ADAMTS6: variants seen among roughly 807,000 people sequenced by gnomAD.
ADAMTS6 encodes A disintegrin and metalloproteinase with thrombospondin motifs 6.
A neutral mutation model predicts 144.3 loss-of-function variants in ADAMTS6; 23 were observed. The observed-to-expected ratio is 0.16, with a 90% confidence interval of 0.11 to 0.23. The LOEUF (loss-of-function observed/expected upper bound fraction) is 0.23. Among genes scored for constraint, ADAMTS6 ranks in the 10% least tolerant of loss-of-function variants. ADAMTS6 has a pLI of 1.00. For missense variants in ADAMTS6, 999 were observed against 1,379.6 expected (o/e 0.72, Z 4.37); for synonymous variants, 444 against 457.5 (o/e 0.97, Z 0.38).
intron 22 of ADAMTS6, among the ~76,000 whole-genome samples, chr5:65,186,057 A>G (rs1254584776): frequency 1.3e-5 from 2 of 152,152 alleles, no homozygotes; most frequent in South Asian, 2.1e-4. Flanking sequence ...ACCTATCACT[A>G]TCAGTCTTTC....
At chr5:65,464,722 A>G (rs1198273195) in intron 3 of ADAMTS6, among the ~76,000 whole-genome samples, 5 of 152,100 alleles carry the variant, frequency 3.3e-5, no homozygotes, top group African/African-American at 1.2e-4. Context: ...CTTTTACACC[A>G]TGCCCACAGT....
At chr5:65,186,095 T>C (rs929217094) in intron 22 of ADAMTS6, among the ~76,000 whole-genome samples, 2 of 152,208 alleles carry the variant, frequency 1.3e-5, no homozygotes, top group Non-Finnish European at 2.9e-5. Context: ...AACCCTTTTC[T>C]CTCACACTGC....
intron 18 of ADAMTS6, 42 bp downstream of exon 18, chr5:65,224,278 T>C: frequency 6.5e-7 from 1 of 1,540,648 alleles, no homozygotes; most frequent in South Asian, 1.1e-5. Context: ...TTTCCTCATT[T>C]ACTTTTAAAA....
At chr5:65,303,578 T>A (rs572010872) in intron 9 of ADAMTS6, among the ~76,000 whole-genome samples, 14 of 152,086 alleles carry the variant, frequency 9.2e-5, no homozygotes, top group African/African-American at 3.1e-4. Context: ...AACAAATTAA[T>A]AAACTTTCAT....
intron 16 of ADAMTS6, among the ~76,000 whole-genome samples, chr5:65,225,409 G>T (rs561105292): frequency 6.6e-6 from 1 of 152,268 alleles, no homozygotes; most frequent in East Asian, 1.9e-4. Flanking sequence ...GTCTTTCTCA[G>T]TTTGAAGCAC....
chr5:65,460,024 G>A (rs1171691305), intron 4 of ADAMTS6, 146 bp downstream of exon 4: 5 of 687,542 alleles, frequency 7.3e-6, no homozygotes, highest in East Asian at 3.3e-5. Flanking sequence ...CTACTGGTAG[G>A]TGACATCTAT....
At chr5:65,314,871 G>A (rs1722872844) in intron 9 of ADAMTS6, among the ~76,000 whole-genome samples, 1 of 151,940 alleles carries the variant, frequency 6.6e-6, no homozygotes, top group African/African-American at 2.4e-5. Flanking sequence ...AAATGACATC[G>A]CTCAGGAACT....
intron 7 of ADAMTS6, among the ~76,000 whole-genome samples, chr5:65,344,355 T>C (rs1361091792): frequency 6.6e-6 from 1 of 151,984 alleles, no homozygotes; most frequent in Non-Finnish European, 1.5e-5. Flanking sequence ...TTATGTTACA[T>C]ATTTATTTAC....
intron 16 of ADAMTS6, among the ~76,000 whole-genome samples, chr5:65,225,786 T>C (rs752204294): frequency 7.2e-5 from 11 of 152,216 alleles, no homozygotes; most frequent in Non-Finnish European, 1.0e-4. Flanking sequence ...TCTCTTTTTC[T>C]ATCATCTTGT....
intron 7 of ADAMTS6, among the ~76,000 whole-genome samples, chr5:65,431,433 T>G (rs1459686779): frequency 6.6e-6 from 1 of 152,166 alleles, no homozygotes; most frequent in Non-Finnish European, 1.5e-5. Context: ...TCAAAAACTG[T>G]AATTTGTCTT....
chr5:65,281,374 A>AT (rs1347684128), intron 11 of ADAMTS6, among the ~76,000 whole-genome samples: 1 of 152,094 alleles, frequency 6.6e-6, no homozygotes, highest in Non-Finnish European at 1.5e-5. Flanking sequence ...ATACCCTCCT[A>AT]TTTTTTACTT....
chr5:65,214,045 TGCAGCAGCAAGGGTGTTG>T lies in ADAMTS6; in HGVS notation c.2575+731_2575+748del. ...CACAGCACTTCTACTCACCAGTCCA[TGCAGCAGCAAGGGTGTTG>T]GCTTTGAAGGAAGCCAACTGTCCTG... On this transcript the variant is annotated intron_variant, in intron 20 of 24. Coordinates refer to ENST00000381055, the MANE Select transcript of ADAMTS6 (RefSeq NM_197941.4). The surrounding 1 kb of genome is among the most constrained non-coding windows in gnomAD (Gnocchi z 4.6). 5.8e-6 allele frequency: 1 copy of T among 171,572 alleles called. No homozygotes were observed. The highest frequency in any genetic ancestry group is 6.3e-5 in the Admixed American group (1 of 15,906). The allele number at this position is 171,572 out of a possible 1,614,324, so 10.6% of individuals were successfully genotyped here. A position where few individuals can be genotyped will look rare whatever the true frequency, so the allele number is the denominator to read the frequency against.
chr5:65,175,120 T>C (rs576854793), intron 22 of ADAMTS6, among the ~76,000 whole-genome samples: 1 of 151,548 alleles, frequency 6.6e-6, no homozygotes, highest in South Asian at 2.1e-4. Flanking sequence ...CACACCCCCC[T>C]CACCAGTGGT....
At chr5:65,205,409 T>C (rs1307649342) in intron 20 of ADAMTS6, among the ~76,000 whole-genome samples, 1 of 152,192 alleles carries the variant, frequency 6.6e-6, no homozygotes, top group Admixed American at 6.5e-5. Flanking sequence ...ATGTAAAGCA[T>C]TTGTCTCTGT....
At chr5:65,446,804 G>A (rs1484499831) in intron 7 of ADAMTS6, among the ~76,000 whole-genome samples, 2 of 152,172 alleles carry the variant, frequency 1.3e-5, no homozygotes, top group Non-Finnish European at 2.9e-5. Flanking sequence ...ACTAGGGTAG[G>A]AGTGGGGACT....
intron 20 of ADAMTS6, among the ~76,000 whole-genome samples, chr5:65,212,308 C>G (rs1756587358): frequency 6.6e-6 from 1 of 152,036 alleles, no homozygotes; most frequent in South Asian, 2.1e-4. Context: ...ACAACCAACC[C>G]TAATGTGAGT....
rs575011463 is a variant in ADAMTS6 at position 65,298,953 on chromosome 5, A to T, written c.1370+1032T>A. Among the ~76,000 whole-genome samples the T allele has an allele frequency of 1.1e-4, 16 of 152,218 alleles. No individual in the cohort carries two copies. In the East Asian group the frequency reaches 3.1e-3, roughly 29 times the overall value. On this transcript the variant is annotated intron_variant, in intron 10 of 24. Coordinates refer to ENST00000381055, the MANE Select transcript of ADAMTS6 (RefSeq NM_197941.4). ...CTATGTAACTTGTTTGAATTTTTAA[A>T]ATTTTACAATATAATCATTTTAATA...
At chr5:65,199,859 C>T (rs1755622380) in intron 20 of ADAMTS6, among the ~76,000 whole-genome samples, 1 of 152,094 alleles carries the variant, frequency 6.6e-6, no homozygotes, top group East Asian at 1.9e-4. Flanking sequence ...TAATTTTGAT[C>T]ATGCCTTCCT....
chr5:65,366,314 T>C (rs193294167), intron 7 of ADAMTS6, among the ~76,000 whole-genome samples: 5 of 152,326 alleles, frequency 3.3e-5, no homozygotes, highest in Admixed American at 6.5e-5. Context: ...GCAGGTCTTA[T>C]AAAAGTACTA....
Sources: gnomAD v4.1 joint callset for allele counts (sites outside exome capture counted in the v4.1 genomes callset) on GRCh38, gnomAD v4.1.1 for gene constraint, Gnocchi (gnomAD v3.1) non-coding constraint, MANE v1.5 for transcripts, NCBI Gene and HGNC (gene_info 2026-07-23, HGNC 2026-07-21) for gene names.